Variants in PTPRG observed in about 807,000 individuals in gnomAD.
PTPRG encodes the protein receptor-type tyrosine-protein phosphatase gamma.
A neutral mutation model predicts 165.3 loss-of-function variants in PTPRG; 102 were observed. The observed-to-expected ratio is 0.62, with a 90% CI of 0.53 to 0.73. PTPRG has a LOEUF of 0.73. Among genes scored for constraint, PTPRG ranks in the 30% least tolerant of loss-of-function variants. The probability of loss-of-function intolerance (pLI) is 0.00; values close to 1 mark genes in which losing one functional copy is unlikely to be tolerated. For synonymous variants in PTPRG, 675 were observed against 669.5 expected (o/e 1.01, Z -0.13); for missense variants, 1,866 against 1,861.4 (o/e 1.00, Z -0.05).
chr3:61,617,710 A>C (rs1701334949), intron 1 of PTPRG, among the ~76,000 whole-genome samples: 1 of 152,332 alleles, frequency 6.6e-6, no homozygotes, highest in African/African-American at 2.4e-5. Flanking sequence ...GAATTTTGGA[A>C]GAAGTTGGAT....
intron 8 of PTPRG, among the ~76,000 whole-genome samples, chr3:62,172,762 G>T (rs1331452977): frequency 6.6e-6 from 1 of 152,142 alleles, no homozygotes; most frequent in East Asian, 1.9e-4. Flanking sequence ...AGAATGAGTG[G>T]TATTCTGTAA....
At chr3:61,705,391 C>G (rs182468145) in intron 1 of PTPRG, among the ~76,000 whole-genome samples, 10 of 152,176 alleles carry the variant, frequency 6.6e-5, no homozygotes, top group African/African-American at 1.4e-4. Context: ...CCATTATTTG[C>G]TCAAGGCTGC....
At chr3:61,989,064 A>G (rs1309340875) in intron 2 of PTPRG, among the ~76,000 whole-genome samples, 2 of 152,342 alleles carry the variant, frequency 1.3e-5, no homozygotes, top group Non-Finnish European at 2.9e-5. Flanking sequence ...TTAACACTCA[A>G]GTGTACAAAT....
intron 1 of PTPRG, among the ~76,000 whole-genome samples, chr3:61,721,039 G>T (rs1283561236): frequency 6.6e-6 from 1 of 152,122 alleles, no homozygotes; most frequent in Admixed American, 6.5e-5. Context: ...TTGTCTTACA[G>T]GATTATTTAA....
At position 62,254,858 on chromosome 3, in the gene PTPRG, C is replaced by T. The variant is rs1354583513; in HGVS notation, c.2468-266C>T. 6.6e-5 allele frequency among the ~76,000 whole-genome samples: 10 copies of T among 151,894 alleles called. No individual in the cohort carries two copies. The East Asian group carries it at 1.7e-3, about 27-fold the overall frequency. ...TATGGTAATTTAACTATGTAAATTG[C>T]GTTGAATATAAAAATAAGGGGAATT... is the stretch of plus-strand genomic sequence containing the variant. On this transcript the variant is annotated intron_variant, in intron 15 of 29. Coordinates refer to ENST00000474889, the MANE Select transcript of PTPRG (RefSeq NM_002841.4). The surrounding 1 kb of genome is among the most constrained non-coding windows in gnomAD (Gnocchi z 4.6).
intron 10 of PTPRG, 58 bp from the exon 11 acceptor site, chr3:62,201,447 T>C (rs1023584470): frequency 7.4e-7 from 1 of 1,358,488 alleles, no homozygotes; most frequent in Non-Finnish European, 1.0e-6. Context: ...ATAAGGAATA[T>C]CTTGTTAGAG....
chr3:62,142,429 A>G (rs1422470157), intron 6 of PTPRG, among the ~76,000 whole-genome samples: 1 of 152,142 alleles, frequency 6.6e-6, no homozygotes, highest in Non-Finnish European at 1.5e-5. Context: ...CCCACACACC[A>G]GAGCTCACTT....
Position 61,745,051 on chromosome 3 carries a change from C to CTTTTTTT in PTPRG, c.86-3815_86-3809dup, listed in dbSNP as rs10669472. Among the ~76,000 whole-genome samples the CTTTTTTT allele has an allele frequency of 1.1e-3, 122 of 111,592 alleles. 14 individuals are homozygous for CTTTTTTT. The highest frequency in any genetic ancestry group is 3.5e-3 in the East Asian group (14 of 3,986). The allele number at this position is 111,592 out of a possible 152,430, so 73.2% of individuals were successfully genotyped here. The stretch of plus-strand genomic sequence containing the variant: ...TTTCATGTGTTCATTCATTCCCTCA[C>CTTTTTTT]TTTTTTTTTTTTTTTTTTGAGACGG... On this transcript the variant is annotated intron_variant, in intron 1 of 29. Transcript: ENST00000474889.
chr3:62,175,345 G>A (rs539167030), intron 8 of PTPRG, among the ~76,000 whole-genome samples: 74 of 152,316 alleles, frequency 4.9e-4, no homozygotes, highest in African/African-American at 1.4e-3. Flanking sequence ...GCCGAGTGCC[G>A]TGGCACGCGC....
chr3:62,248,694 G>C (rs1280929163), intron 15 of PTPRG, among the ~76,000 whole-genome samples: 5 of 152,070 alleles, frequency 3.3e-5, no homozygotes, highest in Admixed American at 1.3e-4. Context: ...ACCTGTTATA[G>C]AGCATATTGA....
intron 4 of PTPRG, among the ~76,000 whole-genome samples, chr3:62,043,586 T>A (rs1000040360): frequency 2.0e-5 from 3 of 152,256 alleles, no homozygotes; most frequent in Non-Finnish European, 4.4e-5. Context: ...AGGTCTCTTT[T>A]GGCTCTTTGT....
Position 61,646,303 on chromosome 3 carries a change from GT to G in PTPRG, c.85+83935del, listed in dbSNP as rs374911956. Among the ~76,000 whole-genome samples the G allele has an allele frequency of 4.9e-3, 745 of 152,224 alleles. 3 individuals are homozygous for G. Among genetic ancestry groups the G allele is most frequent in the Non-Finnish European group, 8.3e-3 (567 of 68,010 alleles). On this transcript the variant is annotated intron_variant, in intron 1 of 29. Coordinates refer to ENST00000474889, the MANE Select transcript of PTPRG (RefSeq NM_002841.4). ...TTTGTGTATTTTTGGTAGAGAAGAG[GT>G]TTTGCCATGTTGTCCAGGCTGGTCT...
intron 1 of PTPRG, among the ~76,000 whole-genome samples, chr3:61,640,047 A>G (rs749805280): frequency 6.6e-6 from 1 of 152,192 alleles, no homozygotes; most frequent in Non-Finnish European, 1.5e-5. Flanking sequence ...TGAAAGCATT[A>G]CAGACACTAC....
chr3:62,021,187 ATAG>A (rs1490544712), intron 4 of PTPRG, among the ~76,000 whole-genome samples: 6 of 152,352 alleles, frequency 3.9e-5, no homozygotes, highest in South Asian at 4.1e-4. Flanking sequence ...TTAGTGTCAC[ATAG>A]TAGGTGATTG....
chr3:62,044,177 T>G (rs753810670), intron 4 of PTPRG, among the ~76,000 whole-genome samples: 7 of 152,234 alleles, frequency 4.6e-5, no homozygotes, highest in Non-Finnish European at 8.8e-5. Context: ...TTCTTAGCCT[T>G]GGCCTTTACT....
Position 62,050,611 on chromosome 3 carries a change from G to T in PTPRG, c.520-27552G>T, listed in dbSNP as rs1472547643. ...GAGAAACAGGGATATCAAGTGCTTG[G>T]TACAGTTTTGTTCATTGTATTGTTT... On this transcript the variant is annotated intron_variant, in intron 4 of 29. Coordinates refer to ENST00000474889, the MANE Select transcript of PTPRG (RefSeq NM_002841.4). 7.2e-5 allele frequency among the ~76,000 whole-genome samples: 11 copies of T among 152,312 alleles called. No individual in the cohort carries two copies. In the East Asian group the frequency reaches 2.1e-3, roughly 29 times the overall value.
intron 1 of PTPRG, among the ~76,000 whole-genome samples, chr3:61,667,488 A>G (rs1214306256): frequency 6.6e-6 from 1 of 152,208 alleles, no homozygotes; most frequent in South Asian, 2.1e-4. Flanking sequence ...GTACAACGTA[A>G]TATGTTCCAG....
chr3:61,957,233 C>T (rs545270717), intron 2 of PTPRG, among the ~76,000 whole-genome samples: 38 of 152,242 alleles, frequency 2.5e-4, no homozygotes, highest in African/African-American at 6.0e-4. Flanking sequence ...TTACTGTGAA[C>T]ACTGAATAAT....
intron 4 of PTPRG, among the ~76,000 whole-genome samples, chr3:62,058,639 G>A (rs1057490649): frequency 1.3e-5 from 2 of 152,096 alleles, no homozygotes; most frequent in South Asian, 2.1e-4. Context: ...TATGTAGGCC[G>A]TGGGTCTGTC....
Sources: allele counts gnomAD v4.1 joint callset (sites outside exome capture counted in the v4.1 genomes callset), GRCh38; gene constraint gnomAD v4.1.1; non-coding constraint Gnocchi (gnomAD v3.1); transcripts MANE v1.5; gene names NCBI Gene and HGNC (gene_info 2026-07-23, HGNC 2026-07-21).